Variants in CATSPERB observed in about 807,000 individuals in gnomAD.
CATSPERB encodes cation channel sperm-associated auxiliary subunit beta.
A neutral mutation model predicts 128.3 loss-of-function variants in CATSPERB; 93 were observed. That is an observed-to-expected ratio of 0.72 (90% confidence interval 0.61 to 0.86). The LOEUF (loss-of-function observed/expected upper bound fraction) is 0.86. Among genes scored for constraint, CATSPERB ranks in the 40% least tolerant of loss-of-function variants. CATSPERB has a pLI of 0.00. For missense variants in CATSPERB, 1,153 were observed against 1,329.5 expected (o/e 0.87, Z 2.06); for synonymous variants, 381 against 448.8 (o/e 0.85, Z 1.91).
At chr14:91,672,823 T>G in intron 13 of CATSPERB, 44 bp downstream of exon 13, 1 of 1,421,868 alleles carries the variant, frequency 7.0e-7, no homozygotes, top group Non-Finnish European at 9.3e-7. Flanking sequence ...AAATTTTTAT[T>G]GTTGTCATGT....
chr14:91,649,357 G>GTC (rs1401175350), intron 15 of CATSPERB, among the ~76,000 whole-genome samples: 4 of 134,122 alleles, frequency 3.0e-5, no homozygotes, highest in African/African-American at 1.1e-4. Flanking sequence ...GTGTGTGTGT[G>GTC]TGTGTAGAGA....
chr14:91,698,960 G>A (rs1279219673), intron 7 of CATSPERB, among the ~76,000 whole-genome samples: 1 of 152,114 alleles, frequency 6.6e-6, no homozygotes, highest in African/African-American at 2.4e-5. Flanking sequence ...ATGGTTTTTG[G>A]TTTTCCAATC....
chr14:91,657,893 A>G (rs916807071), intron 15 of CATSPERB, among the ~76,000 whole-genome samples: 1 of 152,178 alleles, frequency 6.6e-6, no homozygotes, highest in African/African-American at 2.4e-5. Context: ...GGATGTGGAG[A>G]AAAGGGAACC....
intron 14 of CATSPERB, among the ~76,000 whole-genome samples, chr14:91,667,387 C>G (rs1895005230): frequency 6.6e-6 from 1 of 151,986 alleles, no homozygotes; most frequent in South Asian, 2.1e-4. Context: ...GACAAAGAGA[C>G]AGAAAGTCAG....
intron 5 of CATSPERB, 63 bp downstream of exon 5, chr14:91,719,355 T>C: frequency 2.5e-6 from 3 of 1,181,010 alleles, no homozygotes; most frequent in Non-Finnish European, 3.6e-6. Flanking sequence ...TAAATTCTTT[T>C]TGTTCTTTTT....
intron 14 of CATSPERB, among the ~76,000 whole-genome samples, chr14:91,662,423 G>A (rs1894902736): frequency 6.6e-6 from 1 of 152,112 alleles, no homozygotes; most frequent in African/African-American, 2.4e-5. Flanking sequence ...TTCATTAGGT[G>A]AATAAGATGT....
chr14:91,614,530 G>A (rs1269804796), intron 20 of CATSPERB, among the ~76,000 whole-genome samples: 1 of 152,098 alleles, frequency 6.6e-6, no homozygotes, highest in Non-Finnish European at 1.5e-5. Context: ...AGGAATGGTG[G>A]GCCTTTAGTC....
rs139504213 is a variant in CATSPERB, at chr14:91,706,164, G to C, written c.467-1463C>G. ...CTTTATGTGATATTTTTTTCACTTT[G>C]TGCAAAGCAAGAAAACAAGCTAACT... On this transcript the variant is annotated intron_variant, in intron 6 of 26. Coordinates refer to ENST00000256343, the MANE Select transcript of CATSPERB (RefSeq NM_024764.4). 1.3e-3 allele frequency among the ~76,000 whole-genome samples: 193 copies of C among 152,152 alleles called. 1 individual carries two copies. Among genetic ancestry groups the C allele is most frequent in the African/African-American group, 4.6e-3 (189 of 41,528 alleles).
chr14:91,646,417 A>G (rs927308230), intron 15 of CATSPERB, among the ~76,000 whole-genome samples: 3 of 152,088 alleles, frequency 2.0e-5, no homozygotes, highest in African/African-American at 7.2e-5. Flanking sequence ...TTCTGCCCAT[A>G]GCTCCCTTCA....
At chr14:91,582,500 A>G (rs1893221798) in intron 26 of CATSPERB, among the ~76,000 whole-genome samples, 1 of 152,218 alleles carries the variant, frequency 6.6e-6, no homozygotes, top group African/African-American at 2.4e-5. Flanking sequence ...AGGCAGTCCC[A>G]GGTAAATCCA....
chr14:91,588,550 C>T (rs550459510), intron 24 of CATSPERB, among the ~76,000 whole-genome samples: 7 of 152,218 alleles, frequency 4.6e-5, no homozygotes, highest in African/African-American at 1.7e-4. Flanking sequence ...TGACTATTTT[C>T]CTGCCTTTCT....
rs1893667805 is a variant in CATSPERB, at chr14:91,604,704, A to G, written c.2709+3590T>C. On this transcript the variant is annotated intron_variant, in intron 22 of 26. Coordinates refer to ENST00000256343, the MANE Select transcript of CATSPERB (RefSeq NM_024764.4). ...TGGATGTTCTGGGTCTGGTTGCTCC[A>G]GGTTGAATTGTTCCAGGTCTGGTTG... 3 of 1,613,516 alleles carry G rather than the reference A, an allele frequency of 1.9e-6. No individual in the cohort carries two copies. The South Asian group carries it at 3.3e-5, about 18-fold the overall frequency.
chr14:91,699,244 G>A (rs1232933516), intron 7 of CATSPERB, among the ~76,000 whole-genome samples: 2 of 152,104 alleles, frequency 1.3e-5, no homozygotes, highest in Non-Finnish European at 2.9e-5. Flanking sequence ...TGGATCAAAT[G>A]GTAGATCTAC....
intron 20 of CATSPERB, among the ~76,000 whole-genome samples, chr14:91,611,128 A>C (rs1353740491): frequency 1.3e-5 from 2 of 152,228 alleles, no homozygotes; most frequent in African/African-American, 2.4e-5. Flanking sequence ...TATAGTGAAG[A>C]ATATAGAAAA....
intron 7 of CATSPERB, among the ~76,000 whole-genome samples, chr14:91,695,720 G>C (rs1283853149): frequency 2.6e-5 from 4 of 152,196 alleles, no homozygotes; most frequent in African/African-American, 9.7e-5. Flanking sequence ...GTTTATACTT[G>C]AGAACATCAC....
chr14:91,636,413 G>T lies in CATSPERB; in HGVS notation c.1742+12C>A. ...AAACCAATATGCCATCTAAATAAAT[G>T]CATATCACTACCCAGAGTGTATCAC... On this transcript the variant is annotated intron_variant, in intron 17 of 26. Coordinates refer to ENST00000256343, the MANE Select transcript of CATSPERB (RefSeq NM_024764.4). The T allele has an allele frequency of 6.2e-7, 1 of 1,609,736 alleles. No homozygotes were observed. The highest frequency in any genetic ancestry group is 8.5e-7 in the Non-Finnish European group (1 of 1,177,690).
At chr14:91,649,207 G>C (rs1357382244) in intron 15 of CATSPERB, among the ~76,000 whole-genome samples, 2 of 151,818 alleles carry the variant, frequency 1.3e-5, no homozygotes, top group African/African-American at 4.8e-5. Flanking sequence ...CTCTACTTTT[G>C]GTTATTCTAT....
chr14:91,655,148 A>C (rs914561833), intron 15 of CATSPERB, among the ~76,000 whole-genome samples: 1 of 152,242 alleles, frequency 6.6e-6, no homozygotes, highest in African/African-American at 2.4e-5. Context: ...AGCTGCAGTG[A>C]GCAAAGACTT....
intron 22 of CATSPERB, among the ~76,000 whole-genome samples, chr14:91,606,429 G>A (rs1161649159): frequency 6.6e-6 from 1 of 151,832 alleles, no homozygotes; most frequent in African/African-American, 2.4e-5. Flanking sequence ...TGTGCGTGGT[G>A]GTGCACGCCT....
Sources: allele counts gnomAD v4.1 joint callset (sites outside exome capture counted in the v4.1 genomes callset), GRCh38; gene constraint gnomAD v4.1.1; transcripts MANE v1.5; gene names NCBI Gene and HGNC (gene_info 2026-07-23, HGNC 2026-07-21).